The following FOXP4 variants were observed in gnomAD, a reference collection of about 807,000 sequenced individuals.
The protein encoded by FOXP4 is forkhead box protein P4.
Under a neutral mutation model 82.6 loss-of-function variants are expected in FOXP4, and 25 were observed. That is an observed-to-expected ratio of 0.30 (90% CI 0.22 to 0.42). FOXP4 has a LOEUF of 0.42. Among genes scored for constraint, FOXP4 ranks in the 10% least tolerant of loss-of-function variants. The pLI, the probability that FOXP4 is intolerant of heterozygous loss-of-function variation, is 1.00. For synonymous variants in FOXP4, 415 were observed against 388.2 expected, an observed-to-expected ratio of 1.07 and a Z score of -0.81; for missense variants, 785 against 900.9, an observed-to-expected ratio of 0.87 and a Z score of 1.65.
chr6:41,561,978 A>G (rs1764607108), intron 1 of FOXP4, among the ~76,000 whole-genome samples: 2 of 152,094 alleles, frequency 1.3e-5, no homozygotes, highest in South Asian at 4.1e-4. Context: ...GTTACAGGGG[A>G]CTGATAATCA....
In FOXP4 at chr6:41,598,917, C is replaced by T. The variant is rs371462391; in HGVS notation, c.2024C>T (p.Pro675Leu). Residue 675 changes from proline (P) to leucine (L), a missense_variant, in exon 17 of 17, where the codon CCG becomes CTG. Physicochemically the swap from Pro to Leu is moderately conservative, Grantham distance 98. This residue lies in a region of FOXP4 where 184 missense variants were observed against 187.3 expected (regional missense o/e 0.98). Transcript: ENST00000307972. The stretch of plus-strand genomic sequence containing the variant: ...GACAGGGACCTGGAGGAGGAGCTGC[C>T]GGGAGAAGAACTGTCCTAAGGGCCT... ...PEDRDLEEEL[P>L]GEELS 1.6e-5 allele frequency: 26 copies of T among 1,607,702 alleles called. No individual in the cohort carries two copies. Among genetic ancestry groups the T allele is most frequent in the South Asian group, 4.5e-5 (4 of 89,406 alleles).
chr6:41,587,980 C>A, intron 8 of FOXP4, 83 bp downstream of exon 8: 1 of 729,348 alleles, frequency 1.4e-6, no homozygotes, highest in South Asian at 1.6e-5. Flanking sequence ...CTTGCCCCTT[C>A]TGGGAGCCCT....
At chr6:41,554,745 A>G (rs574572008) in intron 1 of FOXP4, among the ~76,000 whole-genome samples, 11 of 152,188 alleles carry the variant, frequency 7.2e-5, no homozygotes, top group African/African-American at 9.7e-5. Context: ...CTGTAGTCCC[A>G]GCTACTCAGG....
intron 1 of FOXP4, among the ~76,000 whole-genome samples, chr6:41,551,371 A>G (rs992058842): frequency 2.0e-5 from 3 of 152,048 alleles, no homozygotes; most frequent in African/African-American, 7.2e-5. Flanking sequence ...TCTTGAGATC[A>G]GGGTCTTTTC....
chr6:41,592,111 C>CGGGGAA (rs1766553781), intron 13 of FOXP4, among the ~76,000 whole-genome samples: 1 of 152,016 alleles, frequency 6.6e-6, no homozygotes, highest in African/African-American at 2.4e-5. Flanking sequence ...AGGTTAGACG[C>CGGGGAA]GGGGAAGGAC....
intron 1 of FOXP4, among the ~76,000 whole-genome samples, chr6:41,559,913 T>C (rs920526275): frequency 2.6e-5 from 4 of 152,190 alleles, no homozygotes; most frequent in African/African-American, 9.7e-5. Context: ...TAACAAACTC[T>C]CCAAGGTAAC....
chr6:41,565,821 G>A lies in FOXP4; in HGVS notation c.61G>A (p.Gly21Ser), dbSNP rs377040258. The A allele has an allele frequency of 9.3e-6, 15 of 1,613,710 alleles. No individual in the cohort carries two copies. The highest frequency in any genetic ancestry group is 1.3e-5 in the Non-Finnish European group (15 of 1,179,974). Residue 21 changes from glycine to serine, a missense_variant, in exon 2 of 17, where the codon GGC becomes AGC. Transcript: ENST00000307972. Reference sequence around the variant, plus strand: ...GGCTCCATCTGGTCAGAATGGCGTGGGCAGCCTCTCTGGGCAAGCCGATGG... The same window carrying A: ...GGCTCCATCTGGTCAGAATGGCGTGAGCAGCCTCTCTGGGCAAGCCGATGG... ...RSAPSGQNGV[G>S]SLSGQADGSS...
rs1767233899 is a variant in FOXP4, at chr6:41,602,080, T to C, written c.*3144T>C. 1 of 152,460 alleles carries C rather than the reference T, an allele frequency of 6.6e-6. No individual in the cohort carries two copies. Among genetic ancestry groups the C allele is most frequent in the Admixed American group, 6.5e-5 (1 of 15,284 alleles). The allele number at this position is 152,460 out of a possible 1,614,324, so 9.4% of individuals were successfully genotyped here. A position where few individuals can be genotyped will look rare whatever the true frequency, so the allele number is the denominator to read the frequency against. Reference sequence around the variant, plus strand: ...TGTCTGTCGCTCACTCGCCCCGCTTTCTCTGTCTCACCTTCATCCACTCTG... The same window carrying C: ...TGTCTGTCGCTCACTCGCCCCGCTTCCTCTGTCTCACCTTCATCCACTCTG... On this transcript the variant is annotated 3_prime_UTR_variant, in exon 17 of 17. Coordinates refer to ENST00000307972, the MANE Select transcript of FOXP4 (RefSeq NM_001012426.2).
chr6:41,597,360 C>A, intron 15 of FOXP4, 118 bp downstream of exon 15: 1 of 1,055,840 alleles, frequency 9.5e-7, no homozygotes. Context: ...AGGGTGAAGA[C>A]CCAAACTCTC....
intron 14 of FOXP4, 63 bp from the exon 15 acceptor site, chr6:41,597,111 TAA>T (rs1385282245): frequency 6.5e-6 from 10 of 1,541,098 alleles, no homozygotes; most frequent in Non-Finnish European, 9.0e-6. Context: ...TTAGTGAGAG[TAA>T]AGAGATGCGA....
intron 3 of FOXP4, among the ~76,000 whole-genome samples, chr6:41,581,697 C>T (rs1213541569): frequency 6.6e-6 from 1 of 152,236 alleles, no homozygotes; most frequent in African/African-American, 2.4e-5. Context: ...ACTTCCCAGA[C>T]CCTTTGTGAC....
intron 9 of FOXP4, 51 bp downstream of exon 9, chr6:41,588,782 C>G (rs1766320631): frequency 6.3e-7 from 1 of 1,597,074 alleles, no homozygotes; most frequent in Non-Finnish European, 8.6e-7. Context: ...CAGCCCCTGC[C>G]CACCCACAGC....
rs1767164522 is a variant in FOXP4, at chr6:41,600,502, C to G, written c.*1566C>G. On this transcript the variant is annotated 3_prime_UTR_variant, in exon 17 of 17. Coordinates refer to ENST00000307972, the MANE Select transcript of FOXP4 (RefSeq NM_001012426.2). ...CCTTGGATATTTCCCAAGAACCCCC[C>G]ACATACACCCCTCACAAGCCACCCC... The G allele has an allele frequency of 6.6e-6, 1 of 152,446 alleles. No homozygotes were observed. Among genetic ancestry groups the G allele is most frequent in the Non-Finnish European group, 1.5e-5 (1 of 68,114 alleles). 9.4% of individuals were successfully genotyped at this position (152,446 alleles called of 1,614,324 possible).
chr6:41,590,968 A>G (rs1004801415), intron 12 of FOXP4, among the ~76,000 whole-genome samples: 10 of 152,166 alleles, frequency 6.6e-5, no homozygotes, highest in Admixed American at 4.6e-4. Flanking sequence ...AGCAGCTCCA[A>G]TCCTTCTTGT....
chr6:41,577,873 C>T (rs1765573326), intron 2 of FOXP4, 113 bp from the exon 3 acceptor site: 1 of 715,148 alleles, frequency 1.4e-6, no homozygotes, highest in Non-Finnish European at 2.4e-6. Flanking sequence ...CTCTCACCCC[C>T]AAGACCTTCC....
Position 41,565,984 on chromosome 6 carries a change from G to C in FOXP4, c.204+20G>C, listed in dbSNP as rs1255289906. 1.9e-6 allele frequency: 3 copies of C among 1,599,976 alleles called. No homozygotes were observed. The highest frequency in any genetic ancestry group is 2.7e-5 in the African/African-American group (2 of 74,714). On this transcript the variant is annotated intron_variant, in intron 2 of 16. Coordinates refer to ENST00000307972, the MANE Select transcript of FOXP4 (RefSeq NM_001012426.2). ...CAACAGGTAGGAACTGGTGCGCCTT[G>C]GGGTATCTGGGAGCGGGAGAGGGGC...
In FOXP4 at chr6:41,588,656, A is replaced by T; in HGVS notation, c.990A>T (p.Thr330=). Residue 330 remains threonine (T), a synonymous_variant, in exon 9 of 17, where the codon ACA becomes ACT. Coordinates refer to ENST00000307972, the MANE Select transcript of FOXP4 (RefSeq NM_001012426.2). ...DLGQFIKHLN[T]EHALDDRSTA... is the part of the protein sequence containing the mutation. The stretch of plus-strand genomic sequence containing the variant: ...CTTCCCCTTGAAGACACCTCAACAC[A>T]GAGCACGCCCTGGATGACCGGAGTA... 1 of 1,614,140 alleles carries T rather than the reference A, an allele frequency of 6.2e-7. No individual in the cohort carries two copies. Among genetic ancestry groups the T allele is most frequent in the South Asian group, 1.1e-5 (1 of 91,080 alleles).
chr6:41,589,320 G>A (rs1335620700), intron 9 of FOXP4, among the ~76,000 whole-genome samples: 3 of 152,268 alleles, frequency 2.0e-5, no homozygotes, highest in South Asian at 4.1e-4. Context: ...ATCCTGCTGT[G>A]AGAGGGTGGT....
At chr6:41,581,017 A>G (rs6917270) in intron 3 of FOXP4, among the ~76,000 whole-genome samples, 53,472 of 152,238 alleles carry the variant, frequency 0.35, 9,970 homozygotes, top group African/African-American at 0.47. Context: ...CATAGAAGGC[A>G]GCACAGGTGG....
Sources: gnomAD v4.1 joint callset for allele counts (sites outside exome capture counted in the v4.1 genomes callset) on GRCh38, gnomAD v4.1.1 for gene constraint, gnomAD v4.1.1 regional missense constraint, MANE v1.5 for transcripts, NCBI Gene and HGNC (gene_info 2026-07-23, HGNC 2026-07-21) for gene names.